Variants in MLLT3 observed in about 807,000 individuals in gnomAD.
The protein encoded by MLLT3 is protein AF-9.
A neutral mutation model predicts 53.2 loss-of-function variants in MLLT3; 4 were observed. The observed-to-expected ratio is 0.08, with a 90% CI of 0.04 to 0.17. MLLT3 has a LOEUF of 0.17. MLLT3 is among the 10% of genes least tolerant of loss of function. The pLI is 1.00. For missense variants in MLLT3, 569 were observed against 684.0 expected (o/e 0.83, Z 1.87); for synonymous variants, 283 against 230.6 (o/e 1.23, Z -2.06).
chr9:20,621,913 G>T lies in MLLT3; in HGVS notation c.12+332C>A. 4 of 1,386,084 alleles carry T rather than the reference G, an allele frequency of 2.9e-6. No individual in the cohort carries two copies. In the South Asian group the frequency reaches 6.6e-5, roughly 23 times the overall value. 85.9% of individuals were successfully genotyped at this position (1,386,084 alleles called of 1,614,324 possible). On this transcript the variant is annotated intron_variant, in intron 1 of 10. Transcript: ENST00000380338. The surrounding 1 kb of genome is among the most constrained non-coding windows in gnomAD (Gnocchi z 7.0). Reference sequence around the variant, plus strand: ...TCGCCTCCTTCCACCGTGTGTGTGTGTGTGTGTGAGTGCGCGCGTGTGAGC... The same window carrying T: ...TCGCCTCCTTCCACCGTGTGTGTGTTTGTGTGTGAGTGCGCGCGTGTGAGC...
intron 8 of MLLT3, among the ~76,000 whole-genome samples, chr9:20,355,288 G>T (rs1225796475): frequency 6.6e-6 from 1 of 152,062 alleles, no homozygotes; most frequent in Non-Finnish European, 1.5e-5. Context: ...CTAGTGTTCA[G>T]TATGCTAGGG....
At chr9:20,453,121 G>C (rs1309733870) in intron 3 of MLLT3, among the ~76,000 whole-genome samples, 1 of 151,786 alleles carries the variant, frequency 6.6e-6, no homozygotes, top group Admixed American at 6.6e-5. Context: ...GACATCCTAA[G>C]AAAACAAAAA....
chr9:20,403,602 T>C (rs1416635754), intron 5 of MLLT3, among the ~76,000 whole-genome samples: 2 of 152,188 alleles, frequency 1.3e-5, no homozygotes, highest in East Asian at 1.9e-4. Flanking sequence ...CAACAGTAAA[T>C]GTGCTAGCCC....
At chr9:20,522,781 AAAGGGCC>A (rs1818096615) in intron 2 of MLLT3, among the ~76,000 whole-genome samples, 1 of 152,200 alleles carries the variant, frequency 6.6e-6, no homozygotes, top group Admixed American at 6.5e-5. Flanking sequence ...TACAATATAC[AAAGGGCC>A]CAGTGCAGTA....
chr9:20,600,936 A>T (rs1318342247), intron 2 of MLLT3, among the ~76,000 whole-genome samples: 2 of 152,254 alleles, frequency 1.3e-5, no homozygotes, highest in African/African-American at 4.8e-5. Context: ...CTTCAATGGT[A>T]AAATGGCTTT....
intron 2 of MLLT3, among the ~76,000 whole-genome samples, chr9:20,581,263 T>C (rs774661538): frequency 1.3e-5 from 2 of 152,204 alleles, no homozygotes; most frequent in Non-Finnish European, 2.9e-5. Context: ...GGATCATTTA[T>C]GGTAAGTGGG....
chr9:20,381,907 T>C (rs1461113296), intron 5 of MLLT3, among the ~76,000 whole-genome samples: 1 of 151,872 alleles, frequency 6.6e-6, no homozygotes, highest in Non-Finnish European at 1.5e-5. Flanking sequence ...AGAGGTCTAA[T>C]CCTTAGCTTC....
At chr9:20,595,047 T>TA (rs556212064) in intron 2 of MLLT3, among the ~76,000 whole-genome samples, 18 of 150,190 alleles carry the variant, frequency 1.2e-4, no homozygotes, top group South Asian at 2.1e-4. Flanking sequence ...TACTTTCACT[T>TA]AAAAAAAAAA....
At chr9:20,587,866 T>C (rs1407524670) in intron 2 of MLLT3, among the ~76,000 whole-genome samples, 1 of 152,190 alleles carries the variant, frequency 6.6e-6, no homozygotes, top group Non-Finnish European at 1.5e-5. Flanking sequence ...TTTGTCAATT[T>C]TGGCTTTTGT....
At chr9:20,363,734 T>C in intron 6 of MLLT3, 129 bp from the exon 7 acceptor site, 1 of 806,612 alleles carries the variant, frequency 1.2e-6, no homozygotes, top group East Asian at 3.3e-5. Context: ...ATTTATACAA[T>C]TTACAAGGCA....
At chr9:20,606,341 G>A (rs768450543) in intron 2 of MLLT3, among the ~76,000 whole-genome samples, 5 of 151,800 alleles carry the variant, frequency 3.3e-5, no homozygotes, top group Admixed American at 2.0e-4. Flanking sequence ...GGGTGAAGGC[G>A]GATTCATGAG....
In MLLT3 at chr9:20,578,436, G is replaced by A. The variant is rs191624593; in HGVS notation, c.193+42218C>T. 3.6e-3 allele frequency among the ~76,000 whole-genome samples: 552 copies of A among 152,220 alleles called. 7 individuals carry two copies. The highest frequency in any genetic ancestry group is 0.013 in the African/African-American group (532 of 41,542). On this transcript the variant is annotated intron_variant, in intron 2 of 10. Coordinates refer to ENST00000380338, the MANE Select transcript of MLLT3 (RefSeq NM_004529.4). ...CTCACACTTGTAATTCCAAGACTTTGGGAGGCAGAGGTGGGAGGACTGCTT... is the reference window on the plus strand; with the variant it reads ...CTCACACTTGTAATTCCAAGACTTTAGGAGGCAGAGGTGGGAGGACTGCTT...
intron 2 of MLLT3, among the ~76,000 whole-genome samples, chr9:20,619,589 C>G (rs1226352378): frequency 1.3e-5 from 2 of 152,208 alleles, no homozygotes; most frequent in Admixed American, 6.5e-5. Context: ...AACTACTAAC[C>G]ATTGTGTCGA....
At chr9:20,381,901 G>T (rs192155568) in intron 5 of MLLT3, among the ~76,000 whole-genome samples, 3 of 151,784 alleles carry the variant, frequency 2.0e-5, no homozygotes, top group Admixed American at 2.0e-4. Flanking sequence ...ATAATTAGAG[G>T]TCTAATCCTT....
intron 4 of MLLT3, among the ~76,000 whole-genome samples, chr9:20,431,555 G>T (rs895890234): frequency 6.6e-6 from 1 of 152,112 alleles, no homozygotes; most frequent in East Asian, 1.9e-4. Context: ...TGTCTCATTT[G>T]TCCATGCATA....
In MLLT3 at chr9:20,343,186, A is replaced by AG. The variant is rs1820780586; in HGVS notation, c.*3256_*3257insC. On this transcript the variant is annotated 3_prime_UTR_variant, in exon 11 of 11. Transcript: ENST00000380338. ...GTGGGCCTGTAAAAGATATCGGCAA[A>AG]AAAAAAAAAAAAAAAAAAAAAAAAA... 1.2e-5 allele frequency: 1 copy of AG among 82,284 alleles called. No homozygotes were observed. The highest frequency in any genetic ancestry group is 2.1e-5 in the Non-Finnish European group (1 of 47,076). The allele number at this position is 82,284 out of a possible 1,614,324, so 5.1% of individuals were successfully genotyped here. A position where few individuals can be genotyped will look rare whatever the true frequency, so the allele number is the denominator to read the frequency against.
intron 2 of MLLT3, among the ~76,000 whole-genome samples, chr9:20,509,049 T>C (rs1180216260): frequency 1.3e-5 from 2 of 152,244 alleles, no homozygotes; most frequent in Non-Finnish European, 2.9e-5. Context: ...TCTCTGTTCT[T>C]TTCATGCAAG....
At chr9:20,469,773 T>C (rs1229298394) in intron 2 of MLLT3, among the ~76,000 whole-genome samples, 1 of 151,980 alleles carries the variant, frequency 6.6e-6, no homozygotes, top group African/African-American at 2.4e-5. Context: ...ATAATAACTT[T>C]CACTGAGTCT....
At chr9:20,517,214 T>C (rs1209838082) in intron 2 of MLLT3, among the ~76,000 whole-genome samples, 2 of 152,100 alleles carry the variant, frequency 1.3e-5, no homozygotes, top group Non-Finnish European at 2.9e-5. Context: ...AAAAGCTATA[T>C]TGAGATTTTT....
Sources: gnomAD v4.1 joint callset for allele counts (sites outside exome capture counted in the v4.1 genomes callset) on GRCh38, gnomAD v4.1.1 for gene constraint, Gnocchi (gnomAD v3.1) non-coding constraint, MANE v1.5 for transcripts, NCBI Gene and HGNC (gene_info 2026-07-23, HGNC 2026-07-21) for gene names.